Variants in ANO2 observed in about 807,000 individuals in gnomAD.
ANO2 encodes anoctamin 2, also known as anoctamin-2.
In ANO2, 101 loss-of-function variants were observed where a neutral mutation model predicts 124.2. That is an observed-to-expected ratio of 0.81 (90% CI 0.69 to 0.96). The LOEUF is 0.96. ANO2 is among the 40% of genes least tolerant of loss of function. The pLI, the probability that ANO2 is intolerant of heterozygous loss-of-function variation, is 0.00. For synonymous variants in ANO2, 486 were observed against 482.5 expected (o/e 1.01, Z -0.09); for missense variants, 1,293 against 1,274.5 (o/e 1.01, Z -0.22).
chr12:5,604,985 C>T (rs1474475872), intron 19 of ANO2, among the ~76,000 whole-genome samples: 1 of 151,956 alleles, frequency 6.6e-6, no homozygotes, highest in African/African-American at 2.4e-5. Context: ...AGGCTCAGAG[C>T]ATTCCCTCTG....
At position 5,615,217 on chromosome 12, in the gene ANO2, G is replaced by C. The variant is rs140993860; in HGVS notation, c.1897C>G (p.Pro633Ala). ...TTGAAAAAGGCCACATAGAAGATGG[G>C]GGAGTAGGCATTGACAAACTTGAGC... ...FLLKFVNAYS[P>A]IFYVAFFKGR... The change falls in exon 17 of 25, where the codon CCC (proline) becomes GCC (alanine). Residue 633 changes from proline to alanine, a missense_variant. Coordinates refer to ENST00000682330, the MANE Select transcript of ANO2 (RefSeq NM_001364791.2). 6.2e-7 allele frequency: 1 copy of C among 1,613,708 alleles called. No individual in the cohort carries two copies. Among genetic ancestry groups the C allele is most frequent in the Non-Finnish European group, 8.5e-7 (1 of 1,179,770 alleles).
intron 14 of ANO2, among the ~76,000 whole-genome samples, chr12:5,692,327 C>A (rs549773432): frequency 6.6e-6 from 1 of 152,086 alleles, no homozygotes; most frequent in East Asian, 1.9e-4. Context: ...TCCTCATTTT[C>A]TTTATGTAAG....
At chr12:5,864,778 C>T (rs1591713344) in intron 3 of ANO2, among the ~76,000 whole-genome samples, 1 of 152,150 alleles carries the variant, frequency 6.6e-6, no homozygotes, top group African/African-American at 2.4e-5. Context: ...TCAAAAATGT[C>T]CCAGGCTAGA....
chr12:5,587,259 T>C (rs1943161629), intron 20 of ANO2, among the ~76,000 whole-genome samples: 1 of 152,234 alleles, frequency 6.6e-6, no homozygotes, highest in Non-Finnish European at 1.5e-5. Flanking sequence ...ATCATGACCC[T>C]GGGCCATTGG....
intron 3 of ANO2, among the ~76,000 whole-genome samples, chr12:5,882,669 C>T (rs1337754444): frequency 2.0e-5 from 3 of 152,122 alleles, no homozygotes; most frequent in Admixed American, 1.3e-4. Context: ...CTGGGGTGGT[C>T]TGAAAGAGCA....
chr12:5,764,010 T>C (rs1951809508), intron 10 of ANO2, among the ~76,000 whole-genome samples: 1 of 152,232 alleles, frequency 6.6e-6, no homozygotes, highest in Non-Finnish European at 1.5e-5. Context: ...TAATGCTAGT[T>C]ATCTTTTCAT....
Position 5,830,156 on chromosome 12 carries a change from G to A in ANO2, c.840+279C>T, listed in dbSNP as rs1267418569. Among the ~76,000 whole-genome samples the A allele has an allele frequency of 2.6e-5, 4 of 152,050 alleles. No homozygotes were observed. The East Asian group carries it at 5.8e-4, about 22-fold the overall frequency. On this transcript the variant is annotated intron_variant, in intron 6 of 24. Transcript: ENST00000682330. The stretch of plus-strand genomic sequence containing the variant: ...CAAGGGGTTCACCTAACTAACACCC[G>A]CACCAACTATGACCTTCTCTGTTTT...
intron 3 of ANO2, among the ~76,000 whole-genome samples, chr12:5,917,565 C>CTTTTTTTTTTTTTTTTTTTTTTTT (rs1275136752): frequency 2.0e-5 from 2 of 100,632 alleles, no homozygotes; most frequent in Non-Finnish European, 4.5e-5. Flanking sequence ...TCTCTTTTTT[C>CTTTTTTTTTTTTTTTTTTTTTTTT]TTTTTTTTTT....
chr12:5,573,722 A>T (rs533020614), intron 23 of ANO2, among the ~76,000 whole-genome samples: 1 of 152,338 alleles, frequency 6.6e-6, no homozygotes, highest in East Asian at 1.9e-4. Flanking sequence ...ATCCTGAAAC[A>T]TCTAGGCTAA....
chr12:5,911,738 TATA>T (rs1325943142), intron 3 of ANO2, among the ~76,000 whole-genome samples: 1 of 152,250 alleles, frequency 6.6e-6, no homozygotes, highest in East Asian at 1.9e-4. Flanking sequence ...GCATAGACTC[TATA>T]ATGTCAGTAT....
intron 11 of ANO2, among the ~76,000 whole-genome samples, chr12:5,749,464 A>C (rs1018052388): frequency 1.4e-4 from 21 of 152,236 alleles, no homozygotes; most frequent in Non-Finnish European, 2.8e-4. Context: ...ATCCAAATGG[A>C]GAAAATATGT....
rs530508194 is a variant in ANO2 at position 5,743,707 on chromosome 12, C to T, written c.1351+450G>A. Among the ~76,000 whole-genome samples the T allele has an allele frequency of 5.3e-5, 8 of 152,308 alleles. No homozygotes were observed. In the South Asian group the frequency reaches 1.0e-3, roughly 20 times the overall value. On this transcript the variant is annotated intron_variant, in intron 12 of 24. Transcript: ENST00000682330. ...TCTACACTCATGATGCCCTAACAAT[C>T]GCACTGAACAGGAGTCAGGAGACCA...
At chr12:5,665,330 A>G (rs1256810142) in intron 14 of ANO2, among the ~76,000 whole-genome samples, 19 of 152,002 alleles carry the variant, frequency 1.2e-4, no homozygotes, top group Admixed American at 1.2e-3. Context: ...ACCCATTCCC[A>G]TGGTATTCTA....
chr12:5,739,606 C>CACACACACACAT (rs1555153154), intron 12 of ANO2, among the ~76,000 whole-genome samples: 1 of 151,096 alleles, frequency 6.6e-6, no homozygotes, highest in Non-Finnish European at 1.5e-5. Context: ...TACACACACA[C>CACACACACACAT]ACACACACAC....
In ANO2 at chr12:5,755,387, T is replaced by TTTTA. The variant is rs201068770; in HGVS notation, c.1056-4421_1056-4418dup. On this transcript the variant is annotated intron_variant, in intron 10 of 24. Transcript: ENST00000682330. Reference sequence around the variant, plus strand: ...TTTTACATTTATTTATTTTTATTTATTTTATTTATTTATTTATTTATTTAT... The same window carrying TTTTA: ...TTTTACATTTATTTATTTTTATTTATTTTATTTATTTATTTATTTATTTATTTAT... Among the ~76,000 whole-genome samples the TTTTA allele has an allele frequency of 2.0e-3, 303 of 149,142 alleles. 1 individual carries two copies. The highest frequency in any genetic ancestry group is 0.011 in the Middle Eastern group (3 of 284).
At chr12:5,879,125 G>T (rs1369269574) in intron 3 of ANO2, among the ~76,000 whole-genome samples, 1 of 152,188 alleles carries the variant, frequency 6.6e-6, no homozygotes, top group South Asian at 2.1e-4. Flanking sequence ...TGCTCCCCAG[G>T]TATAAGGATG....
intron 10 of ANO2, among the ~76,000 whole-genome samples, chr12:5,772,237 G>C (rs957813): frequency 0.86 from 131,040 of 152,212 alleles, 56,550 homozygotes; most frequent in Middle Eastern, 0.93. Context: ...TACAACTGAT[G>C]AAAAGTATCA....
At chr12:5,711,694 G>A (rs1439679714) in intron 14 of ANO2, among the ~76,000 whole-genome samples, 1 of 152,148 alleles carries the variant, frequency 6.6e-6, no homozygotes, top group Non-Finnish European at 1.5e-5. Flanking sequence ...TCAAAAATGT[G>A]AAACTGCTCC....
intron 7 of ANO2, among the ~76,000 whole-genome samples, chr12:5,825,739 A>G (rs1953935848): frequency 6.6e-6 from 1 of 152,206 alleles, no homozygotes; most frequent in Admixed American, 6.5e-5. Flanking sequence ...TACATGCAAT[A>G]CAGGAGATTC....
Sources: allele counts gnomAD v4.1 joint callset (sites outside exome capture counted in the v4.1 genomes callset), GRCh38; gene constraint gnomAD v4.1.1; transcripts MANE v1.5; gene names NCBI Gene and HGNC (gene_info 2026-07-23, HGNC 2026-07-21).